The following ZHX2 variants were observed in gnomAD, a reference collection of about 807,000 sequenced individuals.
ZHX2 encodes the protein zinc fingers and homeoboxes 2.
In ZHX2, 6 loss-of-function variants were observed where a neutral mutation model predicts 21.9. The observed-to-expected ratio is 0.27, with a 90% CI of 0.15 to 0.54. ZHX2 has a LOEUF of 0.54. Ranked by LOEUF, ZHX2 falls within the 20% of genes least tolerant of loss-of-function variation. The pLI, the probability that ZHX2 is intolerant of heterozygous loss-of-function variation, is 0.95. For synonymous variants in ZHX2, 434 were observed against 437.1 expected (o/e 0.99, Z 0.09); for missense variants, 908 against 1,090.7 (o/e 0.83, Z 2.36).
chr8:122,810,083 A>T (rs745404519), intron 1 of ZHX2, among the ~76,000 whole-genome samples: 1 of 152,218 alleles, frequency 6.6e-6, no homozygotes, highest in African/African-American at 2.4e-5. Context: ...TTAAGAAATC[A>T]TGTAAATCCA....
intron 1 of ZHX2, among the ~76,000 whole-genome samples, chr8:122,858,645 T>G (rs1156649321): frequency 1.4e-5 from 2 of 146,168 alleles, no homozygotes; most frequent in African/African-American, 5.0e-5. Context: ...TTTCTTTTTT[T>G]TTTTTTTTTT....
intron 2 of ZHX2, among the ~76,000 whole-genome samples, chr8:122,923,007 TGG>T (rs1355191703): frequency 6.6e-6 from 1 of 152,218 alleles, no homozygotes. Context: ...CTATCAGGTG[TGG>T]ACTCCACCTC....
intron 1 of ZHX2, among the ~76,000 whole-genome samples, chr8:122,830,477 A>C (rs564701956): frequency 6.6e-6 from 1 of 152,322 alleles, no homozygotes; most frequent in East Asian, 1.9e-4. Flanking sequence ...GAAAAGGGAC[A>C]ACTTTCTTAA....
At chr8:122,958,521 C>T (rs1347386746) in intron 3 of ZHX2, among the ~76,000 whole-genome samples, 1 of 152,184 alleles carries the variant, frequency 6.6e-6, no homozygotes, top group Admixed American at 6.5e-5. Flanking sequence ...CTTCTAAGCA[C>T]GTCTACTAAG....
rs561048536 is a variant in ZHX2 at position 122,915,676 on chromosome 8, A to G, written c.-219-35616A>G. On this transcript the variant is annotated intron_variant, in intron 2 of 3. Coordinates refer to ENST00000314393, the MANE Select transcript of ZHX2 (RefSeq NM_014943.5). ...CTTTGGGTTCTAGCAGCATTGTGAAATTTCTCAGGAGAGCAAGAAAAAGCA... is the reference window on the plus strand; with the variant it reads ...CTTTGGGTTCTAGCAGCATTGTGAAGTTTCTCAGGAGAGCAAGAAAAAGCA... Among the ~76,000 whole-genome samples the G allele has an allele frequency of 2.6e-5, 4 of 152,296 alleles. No individual in the cohort carries two copies. The East Asian group carries it at 7.7e-4, about 29-fold the overall frequency.
At chr8:122,947,302 C>T (rs1813002585) in intron 2 of ZHX2, among the ~76,000 whole-genome samples, 1 of 151,612 alleles carries the variant, frequency 6.6e-6, no homozygotes, top group Non-Finnish European at 1.5e-5. Context: ...GATGGAGTTT[C>T]TGTTCTTGAA....
chr8:122,800,252 T>C (rs1359978144), intron 1 of ZHX2, among the ~76,000 whole-genome samples: 2 of 152,252 alleles, frequency 1.3e-5, no homozygotes, highest in African/African-American at 4.8e-5. Context: ...ATGGTCTTGA[T>C]GGCAGAAGAC....
intron 1 of ZHX2, among the ~76,000 whole-genome samples, chr8:122,835,980 T>A (rs994026371): frequency 3.3e-5 from 5 of 152,236 alleles, no homozygotes; most frequent in East Asian, 1.9e-4. Flanking sequence ...GGTTTTTTTT[T>A]ATGAGGCAGC....
At chr8:122,847,066 C>T (rs952729936) in intron 1 of ZHX2, among the ~76,000 whole-genome samples, 1 of 152,168 alleles carries the variant, frequency 6.6e-6, no homozygotes, top group African/African-American at 2.4e-5. Flanking sequence ...GAAACTGAGG[C>T]ATGATGAGGC....
intron 2 of ZHX2, among the ~76,000 whole-genome samples, chr8:122,875,986 A>G (rs1819561978): frequency 6.6e-6 from 1 of 152,128 alleles, no homozygotes; most frequent in Non-Finnish European, 1.5e-5. Context: ...GACATCTATA[A>G]TTTGGGTTTT....
chr8:122,868,451 C>T (rs1216322258), intron 2 of ZHX2, among the ~76,000 whole-genome samples: 1 of 151,962 alleles, frequency 6.6e-6, no homozygotes, highest in African/African-American at 2.4e-5. Flanking sequence ...AGTTTGAGAC[C>T]AGCCTGGGCA....
intron 1 of ZHX2, among the ~76,000 whole-genome samples, chr8:122,801,289 TTAAG>T (rs1279391931): frequency 2.2e-5 from 3 of 133,986 alleles, no homozygotes; most frequent in Non-Finnish European, 4.9e-5. Context: ...AAATAATTAC[TTAAG>T]TAAACATATT....
At chr8:122,813,529 A>C (rs1402820256) in intron 1 of ZHX2, among the ~76,000 whole-genome samples, 1 of 152,202 alleles carries the variant, frequency 6.6e-6, no homozygotes, top group African/African-American at 2.4e-5. Context: ...TCTGACACAG[A>C]GCATGAGTGT....
At chr8:122,955,080 G>C (rs1333628596) in intron 3 of ZHX2, among the ~76,000 whole-genome samples, 4 of 143,736 alleles carry the variant, frequency 2.8e-5, no homozygotes, top group East Asian at 2.0e-4. Context: ...GGGGGGGGGG[G>C]GGTGGCAGGG....
rs1259513652 is a variant in ZHX2, at chr8:122,828,916, C to T, written c.-282-34561C>T. The stretch of plus-strand genomic sequence containing the variant: ...AGATAATAATTCATTTATTTATCCA[C>T]TACAAATTGAAGAAATTGATCTTTT... On this transcript the variant is annotated intron_variant, in intron 1 of 3. Transcript: ENST00000314393. The surrounding 1 kb of genome is among the most constrained non-coding windows in gnomAD (Gnocchi z 5.2). 6.6e-6 allele frequency among the ~76,000 whole-genome samples: 1 copy of T among 152,026 alleles called. No individual in the cohort carries two copies. The highest frequency in any genetic ancestry group is 1.9e-4 in the East Asian group (1 of 5,192).
chr8:122,884,916 C>CA (rs1008261996), intron 2 of ZHX2, among the ~76,000 whole-genome samples: 2 of 151,982 alleles, frequency 1.3e-5, no homozygotes, highest in Admixed American at 6.5e-5. Context: ...TTTGGAATTT[C>CA]AAAAAAATGG....
At chr8:122,798,415 G>T (rs1003898089) in intron 1 of ZHX2, among the ~76,000 whole-genome samples, 1 of 152,126 alleles carries the variant, frequency 6.6e-6, no homozygotes, top group Non-Finnish European at 1.5e-5. Context: ...GCAGAATGTT[G>T]ATCTCACATC....
At chr8:122,924,551 G>A (rs1402546965) in intron 2 of ZHX2, among the ~76,000 whole-genome samples, 3 of 152,074 alleles carry the variant, frequency 2.0e-5, no homozygotes. Context: ...ATGGACTGGG[G>A]CCAAAGCCTG....
intron 2 of ZHX2, among the ~76,000 whole-genome samples, chr8:122,933,149 C>T (rs1812575813): frequency 6.6e-6 from 1 of 152,184 alleles, no homozygotes; most frequent in African/African-American, 2.4e-5. Context: ...AAAGCCCTGT[C>T]TCGCCCTGAT....
Sources: gnomAD v4.1 joint callset for allele counts (sites outside exome capture counted in the v4.1 genomes callset) on GRCh38, gnomAD v4.1.1 for gene constraint, Gnocchi (gnomAD v3.1) non-coding constraint, MANE v1.5 for transcripts, NCBI Gene and HGNC (gene_info 2026-07-23, HGNC 2026-07-21) for gene names.